MALRD1: variants seen among roughly 807,000 people sequenced by gnomAD.
MALRD1 encodes the protein MAM and LDL-receptor class A domain-containing protein 1.
Under a neutral mutation model 242.1 loss-of-function variants are expected in MALRD1, and 247 were observed. The ratio of observed to expected loss-of-function variants is 1.02; its 90% CI spans 0.92 to 1.13. The LOEUF (loss-of-function observed/expected upper bound fraction) is 1.13, where lower values mean the gene tolerates loss of function less well. Among genes scored for constraint, MALRD1 ranks in the 50% most tolerant of loss-of-function variants. The pLI, the probability that MALRD1 is intolerant of heterozygous loss-of-function variation, is 0.00. For missense variants in MALRD1, 2,989 were observed against 2,533.1 expected (o/e 1.18, Z -3.86); for synonymous variants, 995 against 866.6 (o/e 1.15, Z -2.60).
intron 5 of MALRD1, among the ~76,000 whole-genome samples, chr10:19,122,404 C>G (rs1017126064): frequency 3.3e-5 from 5 of 152,054 alleles, no homozygotes; most frequent in African/African-American, 1.2e-4. Flanking sequence ...CAAAGTTCTC[C>G]TTCAAAGTCA....
intron 34 of MALRD1, among the ~76,000 whole-genome samples, chr10:19,605,469 A>G (rs1381959935): frequency 1.4e-5 from 2 of 145,000 alleles, no homozygotes; most frequent in East Asian, 4.0e-4. Context: ...CGCCTGGACC[A>G]GCTTTGTTTT....
At chr10:19,094,822 C>G (rs377611281) in intron 4 of MALRD1, among the ~76,000 whole-genome samples, 1 of 152,162 alleles carries the variant, frequency 6.6e-6, no homozygotes, top group Admixed American at 6.5e-5. Flanking sequence ...AAAGCCAATG[C>G]AAGCCTATAA....
chr10:19,401,706 A>G (rs994534710), intron 28 of MALRD1, among the ~76,000 whole-genome samples: 14 of 152,194 alleles, frequency 9.2e-5, no homozygotes, highest in Non-Finnish European at 1.9e-4. Context: ...GCTCAAGTTC[A>G]CACAAGATCA....
intron 26 of MALRD1, among the ~76,000 whole-genome samples, chr10:19,380,597 C>G (rs1845795299): frequency 6.6e-6 from 1 of 151,922 alleles, no homozygotes; most frequent in Non-Finnish European, 1.5e-5. Flanking sequence ...TTTATATAGT[C>G]TTTACCATAG....
chr10:19,723,368 A>T (rs1010650219), intron 38 of MALRD1, among the ~76,000 whole-genome samples: 2 of 152,142 alleles, frequency 1.3e-5, no homozygotes, highest in Non-Finnish European at 2.9e-5. Context: ...AATCCACCAA[A>T]ATACGACAGA....
intron 26 of MALRD1, among the ~76,000 whole-genome samples, chr10:19,376,965 T>C (rs985963436): frequency 6.6e-6 from 1 of 152,186 alleles, no homozygotes; most frequent in Non-Finnish European, 1.5e-5. Context: ...GGAGGACTCT[T>C]TTATTTTTCA....
chr10:19,730,843 C>T (rs1373085063), intron 39 of MALRD1, 62 bp downstream of exon 39: 25 of 1,374,576 alleles, frequency 1.8e-5, no homozygotes, highest in Non-Finnish European at 2.3e-5. Context: ...AACACACACA[C>T]ACACACAGGC....
At chr10:19,569,671 A>G (rs921339860) in intron 33 of MALRD1, among the ~76,000 whole-genome samples, 2 of 147,002 alleles carry the variant, frequency 1.4e-5, no homozygotes, top group Admixed American at 6.8e-5. Flanking sequence ...GTATTATTAT[A>G]TATTATATTA....
chr10:19,595,444 T>A lies in MALRD1; in HGVS notation c.5931T>A (p.Asp1977Glu). 6.5e-7 allele frequency: 1 copy of A among 1,549,818 alleles called. No homozygotes were observed. Residue 1977 changes from aspartate (D) to glutamate (E), a missense_variant, in exon 34 of 40, where the codon GAT (aspartate) becomes GAA (glutamate). Transcript: ENST00000454679. ...TGCCCGACTGCCACTTTAATGAAGA[T>A]GAGCTCATCTGCTGTGAGTTATTTT... ...DGVPDCHFNE[D>E]ELICSNKSCS...
chr10:19,055,626 T>A (rs969919236), intron 1 of MALRD1, among the ~76,000 whole-genome samples: 1 of 152,234 alleles, frequency 6.6e-6, no homozygotes, highest in Non-Finnish European at 1.5e-5. Context: ...TGCATATGGA[T>A]GTCCAGTTTT....
At chr10:19,052,086 A>G in intron 1 of MALRD1, 2 of 439,478 alleles carry the variant, frequency 4.6e-6, no homozygotes, top group Non-Finnish European at 8.8e-6. Context: ...TTCAAGAGCC[A>G]TGTCAGGGCT....
At chr10:19,163,515 G>T (rs947980607) in intron 12 of MALRD1, among the ~76,000 whole-genome samples, 2 of 151,810 alleles carry the variant, frequency 1.3e-5, no homozygotes, top group Non-Finnish European at 2.9e-5. Context: ...GGGGAGGGTG[G>T]AGGAGGGAGA....
At chr10:19,185,223 G>C (rs754432242) in intron 14 of MALRD1, among the ~76,000 whole-genome samples, 4 of 152,174 alleles carry the variant, frequency 2.6e-5, no homozygotes, top group African/African-American at 9.7e-5. Context: ...GCTGTGCTAT[G>C]TAATGTAGGC....
At chr10:19,731,811 GTATTA>G (rs1478451731) in intron 39 of MALRD1, among the ~76,000 whole-genome samples, 1 of 152,120 alleles carries the variant, frequency 6.6e-6, no homozygotes, top group Non-Finnish European at 1.5e-5. Context: ...TATAAAATGA[GTATTA>G]TAGAAAGCTA....
chr10:19,082,009 G>T (rs1835505807), intron 2 of MALRD1, among the ~76,000 whole-genome samples: 3 of 151,852 alleles, frequency 2.0e-5, no homozygotes, highest in South Asian at 2.1e-4. Context: ...ATATAATTAT[G>T]ATTATACCTA....
chr10:19,203,244 A>ATT (rs1836629337), intron 14 of MALRD1, among the ~76,000 whole-genome samples: 1 of 152,184 alleles, frequency 6.6e-6, no homozygotes, highest in Admixed American at 6.5e-5. Context: ...TTTGTGAAAT[A>ATT]TTAAGCTCTA....
At chr10:19,726,637 T>C (rs1295941780) in intron 38 of MALRD1, among the ~76,000 whole-genome samples, 1 of 152,138 alleles carries the variant, frequency 6.6e-6, no homozygotes. Flanking sequence ...TAAACAGATA[T>C]TCATGCAGCA....
chr10:19,282,992 C>G, intron 20 of MALRD1, 27 bp from the exon 21 acceptor site: 1 of 1,484,004 alleles, frequency 6.7e-7, no homozygotes, highest in Middle Eastern at 1.8e-4. Flanking sequence ...TACTAGCTCA[C>G]CTTTTCTTTG....
intron 2 of MALRD1, among the ~76,000 whole-genome samples, chr10:19,069,703 A>G (rs1353242238): frequency 6.6e-6 from 1 of 150,880 alleles, no homozygotes; most frequent in Non-Finnish European, 1.5e-5. Context: ...TGCTTTAAAG[A>G]CATTATTTTG....
Sources: allele counts gnomAD v4.1 joint callset (sites outside exome capture counted in the v4.1 genomes callset), GRCh38; gene constraint gnomAD v4.1.1; transcripts MANE v1.5; gene names NCBI Gene and HGNC (gene_info 2026-07-23, HGNC 2026-07-21).